Variants in NUP155 observed in about 807,000 individuals in gnomAD.
NUP155 encodes the protein nuclear pore complex protein Nup155.
Under a neutral mutation model 180.4 loss-of-function variants are expected in NUP155, and 71 were observed. The ratio of observed to expected loss-of-function variants is 0.39; its 90% confidence interval spans 0.33 to 0.48. The LOEUF is 0.48. Among genes scored for constraint, NUP155 ranks in the 20% least tolerant of loss-of-function variants. The pLI, the probability that NUP155 is intolerant of heterozygous loss-of-function variation, is 0.91. For synonymous variants in NUP155, 582 were observed against 559.5 expected (o/e 1.04, Z -0.57); for missense variants, 1,553 against 1,648.9 (o/e 0.94, Z 1.01).
chr5:37,360,946 GAAGA>G (rs1380436422), intron 3 of NUP155, among the ~76,000 whole-genome samples: 1 of 151,934 alleles, frequency 6.6e-6, no homozygotes, highest in East Asian at 1.9e-4. Flanking sequence ...TGAAATTTCT[GAAGA>G]AAGAGAATGT....
At chr5:37,354,381 T>C (rs754735153) in intron 4 of NUP155, among the ~76,000 whole-genome samples, 16 of 152,032 alleles carry the variant, frequency 1.1e-4, no homozygotes, top group Non-Finnish European at 2.1e-4. Context: ...CTGACGTCAG[T>C]TGATCCACCC....
intron 1 of NUP155, among the ~76,000 whole-genome samples, chr5:37,365,127 T>C (rs988386873): frequency 2.6e-5 from 4 of 151,444 alleles, no homozygotes; most frequent in African/African-American, 9.7e-5. Flanking sequence ...GCCTGCCTGG[T>C]GGCGTGCGCC....
At chr5:37,319,148 C>A (rs1049840332) in intron 20 of NUP155, among the ~76,000 whole-genome samples, 18 of 152,280 alleles carry the variant, frequency 1.2e-4, no homozygotes, top group African/African-American at 4.3e-4. Flanking sequence ...ATAGGCACAT[C>A]TACAGAGATA....
chr5:37,295,615 C>A (rs1185625953), intron 32 of NUP155, among the ~76,000 whole-genome samples: 2 of 113,384 alleles, frequency 1.8e-5, no homozygotes, highest in Non-Finnish European at 4.2e-5. Flanking sequence ...CGCCTCTTCC[C>A]GGCCGCCATC....
chr5:37,308,906 A>C (rs1743348055), intron 24 of NUP155, among the ~76,000 whole-genome samples: 2 of 146,978 alleles, frequency 1.4e-5, no homozygotes, highest in East Asian at 2.0e-4. Flanking sequence ...AAAAAAGTAC[A>C]TTTCAAAAAA....
In NUP155 at chr5:37,325,910, C is replaced by T; in HGVS notation, c.2082G>A (p.Glu694=). The change falls in exon 19 of 35, where the codon GAG becomes GAA. Residue 694 remains glutamate (E), a synonymous_variant. Transcript: ENST00000231498. ...VERIFKSGNR[E]ITAIESSVPC... ...TATTATACACACTTACTGCAGTGAT[C>T]TCTCTGTTGCCACTCTTGAATATTC... The T allele has an allele frequency of 1.9e-6, 3 of 1,602,884 alleles. No homozygotes were observed. The highest frequency in any genetic ancestry group is 2.6e-6 in the Non-Finnish European group (3 of 1,170,780).
intron 16 of NUP155, 37 bp from the exon 17 acceptor site, chr5:37,328,457 GA>G (rs1176088766): frequency 6.4e-6 from 9 of 1,402,278 alleles, no homozygotes; most frequent in South Asian, 5.8e-5. Flanking sequence ...ATTTAGAAAA[GA>G]ACATCTCAAT....
chr5:37,304,700 T>C (rs1743056459), intron 27 of NUP155, 39 bp downstream of exon 27: 1 of 1,365,376 alleles, frequency 7.3e-7, no homozygotes, highest in African/African-American at 1.4e-5. Context: ...TTATGCTCCT[T>C]AAGAATAATT....
At chr5:37,370,073 T>A (rs998248404) in intron 1 of NUP155, among the ~76,000 whole-genome samples, 5 of 152,204 alleles carry the variant, frequency 3.3e-5, no homozygotes, top group African/African-American at 1.2e-4. Context: ...TCTCTACACA[T>A]AATAAAGCGT....
intron 5 of NUP155, 23 bp from the exon 6 acceptor site, chr5:37,351,379 A>G: frequency 6.4e-7 from 1 of 1,554,902 alleles, no homozygotes. Context: ...GAATACATAA[A>G]TCAGTTTATT....
rs115755977 is a variant in NUP155 at position 37,362,043 on chromosome 5, C to T, written c.392+1845G>A. On this transcript the variant is annotated intron_variant, in intron 3 of 34. Coordinates refer to ENST00000231498, the MANE Select transcript of NUP155 (RefSeq NM_153485.3). The stretch of plus-strand genomic sequence containing the variant: ...AAGTGGGCTTTCACCAGACCTTGAT[C>T]TTGGACTTCCAGCTTCCAGAACCAT... Among the ~76,000 whole-genome samples, 488 of 152,216 alleles carry T rather than the reference C, an allele frequency of 3.2e-3. 1 individual carries two copies. The highest frequency in any genetic ancestry group is 0.01 in the African/African-American group (423 of 41,528).
chr5:37,337,783 A>G (rs986307931), intron 12 of NUP155, 35 bp downstream of exon 12: 38 of 1,272,290 alleles, frequency 3.0e-5, no homozygotes, highest in East Asian at 1.2e-4. Flanking sequence ...TTAAAATTAT[A>G]TAATAGTTTT....
At position 37,333,629 on chromosome 5, in the gene NUP155, G is replaced by C; in HGVS notation, c.1352C>G (p.Thr451Arg). 1 of 1,612,056 alleles carries C rather than the reference G, an allele frequency of 6.2e-7. No homozygotes were observed. The highest frequency in any genetic ancestry group is 8.5e-7 in the Non-Finnish European group (1 of 1,178,642). The change falls in exon 13 of 35, where the codon ACA becomes AGA. Residue 451 changes from threonine to arginine, a missense_variant. Transcript: ENST00000231498. Reference protein sequence around the residue: ...FQKPMMETQMTAGVDGHSWAL... With the variant: ...FQKPMMETQMRAGVDGHSWAL... The stretch of plus-strand genomic sequence containing the variant: ...CCAGGAATGACCATCAACACCAGCT[G>C]TCATCTATGTAAAAGAAATAAATGT...
chr5:37,332,128 TATTA>T (rs1237600777), intron 13 of NUP155, among the ~76,000 whole-genome samples: 1 of 144,094 alleles, frequency 6.9e-6, no homozygotes, highest in Non-Finnish European at 1.5e-5. Flanking sequence ...AAAGTTAGAT[TATTA>T]ATTAATCATG....
intron 1 of NUP155, among the ~76,000 whole-genome samples, chr5:37,366,439 C>CTTTATA (rs1322541369): frequency 6.6e-6 from 1 of 152,086 alleles, no homozygotes; most frequent in Non-Finnish European, 1.5e-5. Context: ...CCCCAATTAT[C>CTTTATA]TTTTTATTTT....
chr5:37,336,803 C>T (rs1227010905), intron 12 of NUP155, among the ~76,000 whole-genome samples: 1 of 152,180 alleles, frequency 6.6e-6, no homozygotes, highest in African/African-American at 2.4e-5. Context: ...CTCAGGCAGA[C>T]AATACTCCCA....
intron 4 of NUP155, among the ~76,000 whole-genome samples, chr5:37,354,353 C>CA (rs1746668238): frequency 6.6e-6 from 1 of 152,078 alleles, no homozygotes; most frequent in South Asian, 2.1e-4. Flanking sequence ...ACCATGTGGT[C>CA]AGGCTTGTCT....
intron 12 of NUP155, 39 bp downstream of exon 12, chr5:37,337,779 T>C: frequency 8.0e-7 from 1 of 1,252,430 alleles, no homozygotes; most frequent in Non-Finnish European, 1.2e-6. Context: ...TCACTTAAAA[T>C]TATATAATAG....
chr5:37,342,751 T>A, intron 9 of NUP155, 105 bp from the exon 10 acceptor site: 2 of 825,800 alleles, frequency 2.4e-6, no homozygotes, highest in Non-Finnish European at 4.0e-6. Context: ...TTCCTTTTTT[T>A]TTTGAGATGT....
Sources: allele counts gnomAD v4.1 joint callset (sites outside exome capture counted in the v4.1 genomes callset), GRCh38; gene constraint gnomAD v4.1.1; transcripts MANE v1.5; gene names NCBI Gene and HGNC (gene_info 2026-07-23, HGNC 2026-07-21).